Variants in COL14A1 observed in about 807,000 individuals in gnomAD.
COL14A1 encodes the protein collagen alpha-1(XIV) chain.
In COL14A1, 136 loss-of-function variants were observed where a neutral mutation model predicts 230.3. The observed-to-expected ratio is 0.59, with a 90% CI of 0.51 to 0.68. The LOEUF is 0.68. Ranked by LOEUF, COL14A1 falls within the 30% of genes least tolerant of loss-of-function variation. COL14A1 has a pLI of 0.00. For synonymous variants in COL14A1, 792 were observed against 784.1 expected, an observed-to-expected ratio of 1.01 and a Z score of -0.17; for missense variants, 1,976 against 2,215.8, an observed-to-expected ratio of 0.89 and a Z score of 2.17.
chr8:120,160,577 C>A (rs1431096518), intron 3 of COL14A1, among the ~76,000 whole-genome samples: 3 of 152,128 alleles, frequency 2.0e-5, no homozygotes, highest in Admixed American at 1.3e-4. Flanking sequence ...GGAATGAAAG[C>A]AAATTATTTC....
intron 1 of COL14A1, among the ~76,000 whole-genome samples, chr8:120,143,621 A>C (rs1329463187): frequency 6.6e-6 from 1 of 152,050 alleles, no homozygotes; most frequent in African/African-American, 2.4e-5. Context: ...ACAGAGCGAG[A>C]CTCCATCTCA....
Position 120,255,246 on chromosome 8 carries a change from T to C in COL14A1, c.2759T>C (p.Leu920Ser). Residue 920 changes from leucine to serine, a missense_variant, in exon 23 of 48, where the codon TTG (leucine) becomes TCG (serine). Around this residue, in one of 3 missense-constraint regions of COL14A1, gnomAD observed 1,791 missense variants for 2,019.5 expected, o/e 0.89. Coordinates refer to ENST00000297848, the MANE Select transcript of COL14A1 (RefSeq NM_021110.4). ...TGTTTCTATTTCATTCCAGTGTTCTTGGGTGTTACCAATCTCCAAGCCAAA... is the reference window on the plus strand; with the variant it reads ...TGTTTCTATTTCATTCCAGTGTTCTCGGGTGTTACCAATCTCCAAGCCAAA... ...ALTGMVKTLF[L>S]GVTNLQAKHV... is the part of the protein sequence containing the mutation. The C allele has an allele frequency of 3.7e-6, 6 of 1,613,240 alleles. No individual in the cohort carries two copies. Among genetic ancestry groups the C allele is most frequent in the Non-Finnish European group, 5.1e-6 (6 of 1,179,146 alleles).
At chr8:120,160,221 GAAATTT>G (rs1277931382) in intron 3 of COL14A1, among the ~76,000 whole-genome samples, 2 of 151,930 alleles carry the variant, frequency 1.3e-5, no homozygotes, top group Admixed American at 6.6e-5. Flanking sequence ...GCTATCATGG[GAAATTT>G]AAATTTAAAA....
chr8:120,204,308 CT>C (rs369990518), intron 9 of COL14A1, among the ~76,000 whole-genome samples: 15 of 152,150 alleles, frequency 9.9e-5, no homozygotes, highest in African/African-American at 3.4e-4. Context: ...CTCCTGTTCC[CT>C]TTTATAGCCA....
chr8:120,262,959 T>C lies in COL14A1; in HGVS notation c.2961T>C (p.Val987=). 6.2e-7 allele frequency: 1 copy of C among 1,613,618 alleles called. No homozygotes were observed. Among genetic ancestry groups the C allele is most frequent in the Non-Finnish European group, 8.5e-7 (1 of 1,179,794 alleles). Residue 987 remains valine, a synonymous_variant, in exon 24 of 48, where the codon GTT becomes GTC. Coordinates refer to ENST00000297848, the MANE Select transcript of COL14A1 (RefSeq NM_021110.4). ...CTGATTCTGAATATAAAATCAGTGT[T>C]TATACAAAGCTCCAGGAGATTGAAG... ...LQPDSEYKIS[V]YTKLQEIEGP... is the part of the protein sequence containing the mutation.
At chr8:120,208,184 C>A in intron 10 of COL14A1, 48 bp from the exon 11 acceptor site, 2 of 1,492,682 alleles carry the variant, frequency 1.3e-6, no homozygotes, top group South Asian at 1.4e-5. Flanking sequence ...TTCAATTCTG[C>A]GTGTAAGATA....
Position 120,148,171 on chromosome 8 carries a change from G to C in COL14A1, c.88+241G>C, listed in dbSNP as rs553392238. 2.8e-5 allele frequency among the ~76,000 whole-genome samples: 4 copies of C among 140,522 alleles called. No homozygotes were observed. The East Asian group carries it at 8.4e-4, about 29-fold the overall frequency. The allele number at this position is 140,522 out of a possible 152,430, so 92.2% of individuals were successfully genotyped here. On this transcript the variant is annotated intron_variant, in intron 2 of 47. Transcript: ENST00000297848. ...TTTTTTTTTTTTTTTTTTTGAGTCA[G>C]AGTCTTGCTCTGTAGCCCAGGTATG...
rs1052483088 is a variant in COL14A1 at position 120,300,809 on chromosome 8, G to A, written c.4392G>A (p.Ala1464=). ...CCAATGAAGTGGCTCTGGGACCAGC[G>A]GGCCCACCAGTAAGTCTTGCTGAGT... ...SETNEVALGP[A]GPPGGPGLRG... is the part of the protein sequence containing the mutation. The change falls in exon 36 of 48, where the codon GCG becomes GCA. Residue 1464 remains alanine (A), a synonymous_variant. Transcript: ENST00000297848. The A allele has an allele frequency of 5.1e-5, 83 of 1,613,068 alleles. No homozygotes were observed. Among genetic ancestry groups the A allele is most frequent in the Non-Finnish European group, 6.5e-5 (77 of 1,179,352 alleles).
chr8:120,309,514 A>T (rs1242759036), intron 36 of COL14A1, among the ~76,000 whole-genome samples: 1 of 152,138 alleles, frequency 6.6e-6, no homozygotes, highest in East Asian at 1.9e-4. Flanking sequence ...ATAATATGGC[A>T]AAAGTTTTGA....
chr8:120,157,842 C>T (rs1016266125), intron 2 of COL14A1, among the ~76,000 whole-genome samples: 7 of 152,096 alleles, frequency 4.6e-5, no homozygotes, highest in South Asian at 4.2e-4. Context: ...GAAAATTAGC[C>T]GGGCGTGGTG....
intron 5 of COL14A1, among the ~76,000 whole-genome samples, chr8:120,180,701 C>CTTTTTTTTTTTTTTT (rs34377563): frequency 1.2e-5 from 1 of 83,538 alleles, no homozygotes; most frequent in Admixed American, 1.7e-4. Context: ...GGTAGGAAGC[C>CTTTTTTTTTTTTTTT]TTTTTTTTTT....
intron 1 of COL14A1, among the ~76,000 whole-genome samples, chr8:120,133,660 C>G (rs1271804128): frequency 3.9e-5 from 6 of 152,082 alleles, no homozygotes; most frequent in Non-Finnish European, 8.8e-5. Context: ...TTGTGTTTGT[C>G]TTCTCTAACA....
chr8:120,172,177 G>A (rs921807631), intron 5 of COL14A1, among the ~76,000 whole-genome samples: 2 of 151,084 alleles, frequency 1.3e-5, no homozygotes, highest in Non-Finnish European at 2.9e-5. Flanking sequence ...TTGAGATGGA[G>A]TCTCTCTCTG....
chr8:120,267,055 A>G (rs1041183031), intron 25 of COL14A1, 172 bp downstream of exon 25: 1 of 588,530 alleles, frequency 1.7e-6, no homozygotes, highest in African/African-American at 1.9e-5. Context: ...TATCCATTTA[A>G]TATCAATTCT....
chr8:120,299,040 CA>C (rs1820625063), intron 35 of COL14A1, among the ~76,000 whole-genome samples: 1 of 151,888 alleles, frequency 6.6e-6, no homozygotes, highest in Non-Finnish European at 1.5e-5. Flanking sequence ...CTCACTATCA[CA>C]AGAACAGCAT....
At chr8:120,147,164 T>C (rs1327636313) in intron 1 of COL14A1, among the ~76,000 whole-genome samples, 1 of 152,080 alleles carries the variant, frequency 6.6e-6, no homozygotes, top group East Asian at 1.9e-4. Flanking sequence ...TTGTCTTCCA[T>C]TTATCGTCCT....
At chr8:120,250,851 A>G in intron 22 of COL14A1, 85 bp downstream of exon 22, 5 of 1,491,006 alleles carry the variant, frequency 3.4e-6, no homozygotes, top group Non-Finnish European at 3.6e-6. Context: ...TCTGTCGCTC[A>G]GGCTGGAGTG....
At chr8:120,212,784 A>G (rs1236303560) in intron 13 of COL14A1, among the ~76,000 whole-genome samples, 1 of 152,228 alleles carries the variant, frequency 6.6e-6, no homozygotes, top group Non-Finnish European at 1.5e-5. Context: ...AAGCTTCAGC[A>G]TCCTCCAGAT....
In COL14A1 at chr8:120,128,228, CGTGTGTGTGTGT is replaced by C. The variant is rs33988612; in HGVS notation, c.-38+2911_-38+2922del. Among the ~76,000 whole-genome samples, 213 of 146,778 alleles carry C rather than the reference CGTGTGTGTGTGT, an allele frequency of 1.5e-3. 1 individual carries two copies. The highest frequency in any genetic ancestry group is 4.8e-3 in the African/African-American group (190 of 39,968). ...ACGTGTGTGTGTGTGTGTGCGCGCG[CGTGTGTGTGTGT>C]GTGTGTGTGTGTGTGTGTGTGTTGG... On this transcript the variant is annotated intron_variant, in intron 1 of 47. Transcript: ENST00000297848.
Sources: gnomAD v4.1 joint callset for allele counts (sites outside exome capture counted in the v4.1 genomes callset) on GRCh38, gnomAD v4.1.1 for gene constraint, gnomAD v4.1.1 regional missense constraint, MANE v1.5 for transcripts, NCBI Gene and HGNC (gene_info 2026-07-23, HGNC 2026-07-21) for gene names.